Variants in THTPA observed in about 807,000 individuals in gnomAD.
THTPA encodes thiamine-triphosphatase.
A neutral mutation model predicts 16.5 loss-of-function variants in THTPA; 16 were observed. The ratio of observed to expected loss-of-function variants is 0.97; its 90% CI spans 0.66 to 1.47. The LOEUF (loss-of-function observed/expected upper bound fraction) is 1.47, where lower values mean the gene tolerates loss of function less well. Among genes scored for constraint, THTPA ranks in the 40% most tolerant of loss-of-function variants. THTPA has a pLI of 0.00. For missense variants in THTPA, 281 were observed against 280.9 expected (o/e 1.00, Z 0.00); for synonymous variants, 110 against 115.5 (o/e 0.95, Z 0.30).
the THTPA span, chr14:23,526,230 G>A: frequency 6.5e-7 from 1 of 1,536,362 alleles, no homozygotes; most frequent in South Asian, 1.2e-5. Flanking sequence ...GTGGTGGTGG[G>A]TGGGGCACCG....
the THTPA span, chr14:23,523,064 C>T: frequency 3.7e-4 from 518 of 1,403,562 alleles, 7 homozygotes; most frequent in South Asian, 8.2e-3. The surrounding 1 kb of genome is among the most constrained non-coding windows in gnomAD (Gnocchi z 4.1). Flanking sequence ...CCCTTCCCTC[C>T]CTTCTTTCCC....
the THTPA span, chr14:23,522,539 AGCCCCTTCTTCAT>A: frequency 6.5e-7 from 1 of 1,527,628 alleles, no homozygotes; most frequent in South Asian, 1.2e-5. Context: ...CATGGGAAAT[AGCCCCTTCTTCAT>A]GCCATAGAGC....
the THTPA span, chr14:23,533,375 C>T: frequency 4.1e-6 from 6 of 1,455,872 alleles, no homozygotes; most frequent in Admixed American, 1.3e-4. This position sits in a 1 kb window ranked among gnomAD's most constrained non-coding sequence, Gnocchi z 4.8. Context: ...GGCCTCAGCC[C>T]CGGGCCAGCC....
the THTPA span, among the ~76,000 whole-genome samples, chr14:23,536,601 T>C: frequency 2.6e-5 from 4 of 152,242 alleles, no homozygotes; most frequent in African/African-American, 9.6e-5. Flanking sequence ...CCTGGCACTA[T>C]GTTAAATGCT....
chr14:23,521,148 T>C, the THTPA span: 1 of 152,322 alleles, frequency 6.6e-6, no homozygotes, highest in Non-Finnish European at 1.5e-5. Context: ...TGAGAATAAG[T>C]TACTGCAGTT....
At chr14:23,519,484 C>T in the THTPA span, among the ~76,000 whole-genome samples, 33 of 152,068 alleles carry the variant, frequency 2.2e-4, no homozygotes, top group South Asian at 4.0e-3. Flanking sequence ...ACAAGAGAGG[C>T]GGGGAAAGAA....
the THTPA span, among the ~76,000 whole-genome samples, chr14:23,520,264 C>T: frequency 6.6e-6 from 1 of 152,072 alleles, no homozygotes; most frequent in Non-Finnish European, 1.5e-5. This position sits in a 1 kb window ranked among gnomAD's most constrained non-coding sequence, Gnocchi z 8.7. Context: ...GGGATGCCTC[C>T]AGCAGCTGCT....
chr14:23,542,623 C>T, the THTPA span, among the ~76,000 whole-genome samples: 1 of 152,280 alleles, frequency 6.6e-6, no homozygotes, highest in East Asian at 1.9e-4. Context: ...CAGCTCGGAA[C>T]CCTTCTTCTG....
chr14:23,525,589 C>T, the THTPA span: 2 of 1,535,712 alleles, frequency 1.3e-6, no homozygotes, highest in Non-Finnish European at 8.7e-7. The surrounding 1 kb of genome is among the most constrained non-coding windows in gnomAD (Gnocchi z 5.9). Flanking sequence ...ACTGGATCAC[C>T]AGCTCAAAGC....
chr14:23,534,967 C>T, the THTPA span: 2 of 1,536,040 alleles, frequency 1.3e-6, no homozygotes, highest in African/African-American at 1.4e-5. This position sits in a 1 kb window ranked among gnomAD's most constrained non-coding sequence, Gnocchi z 4.5. Flanking sequence ...GTAGGCCTCA[C>T]CTCCAGCTGT....
the THTPA span, among the ~76,000 whole-genome samples, chr14:23,550,122 C>T: frequency 2.9e-4 from 44 of 152,280 alleles, no homozygotes; most frequent in South Asian, 1.5e-3. Context: ...GCAGATGACA[C>T]GCATGAGACC....
At chr14:23,525,558 C>T in the THTPA span, 1 of 1,535,158 alleles carries the variant, frequency 6.5e-7, no homozygotes, top group Non-Finnish European at 8.7e-7. The surrounding 1 kb of genome is among the most constrained non-coding windows in gnomAD (Gnocchi z 5.9). Flanking sequence ...GGAGGGGGCA[C>T]AGCTTGCTTC....
the THTPA span, chr14:23,523,932 G>A: frequency 6.5e-7 from 1 of 1,536,230 alleles, no homozygotes; most frequent in Non-Finnish European, 8.7e-7. This position sits in a 1 kb window ranked among gnomAD's most constrained non-coding sequence, Gnocchi z 4.1. Flanking sequence ...TCCTCACTGG[G>A]TGGAGGGGGA....
the THTPA span, among the ~76,000 whole-genome samples, chr14:23,512,113 G>A: frequency 1.3e-5 from 2 of 152,058 alleles, no homozygotes; most frequent in South Asian, 4.2e-4. Flanking sequence ...TGCCCTGTAG[G>A]AATGTTAATT....
chr14:23,550,190 G>C, the THTPA span, among the ~76,000 whole-genome samples: 3 of 152,216 alleles, frequency 2.0e-5, no homozygotes, highest in Non-Finnish European at 4.4e-5. Flanking sequence ...AGTCAACAAT[G>C]CTAGGAAGTT....
At chr14:23,531,688 C>A in the THTPA span, 2 of 1,395,204 alleles carry the variant, frequency 1.4e-6, no homozygotes, top group Non-Finnish European at 9.4e-7. Context: ...CCCAGCTCTG[C>A]CCCTGCCTCC....
chr14:23,526,888 G>T, the THTPA span: 2 of 1,534,274 alleles, frequency 1.3e-6, no homozygotes, highest in East Asian at 2.4e-5. Context: ...TGGCCCATGA[G>T]TGGGGGGTTC....
At chr14:23,551,283 A>G (rs1360317735), upstream of THTPA, 1 of 152,440 alleles carries the variant, frequency 6.6e-6, no homozygotes, top group African/African-American at 2.4e-5. This position sits in a 1 kb window ranked among gnomAD's most constrained non-coding sequence, Gnocchi z 5.3. Context: ...GAAGGGAAGA[A>G]GAGAGAGAGG....
upstream of THTPA, chr14:23,551,658 TCCTCCTCCTCCTCCTTCTCCTCCTCGC>T (rs1205672952): frequency 3.2e-5 from 5 of 154,844 alleles, no homozygotes; most frequent in Admixed American, 6.5e-5. This position sits in a 1 kb window ranked among gnomAD's most constrained non-coding sequence, Gnocchi z 5.3. Context: ...CCCTGCCTCC[TCCTCCTCCTCCTCCTTCTCCTCCTCGC>T]CCTCCTCCTC....
Sources: allele counts gnomAD v4.1 joint callset (sites outside exome capture counted in the v4.1 genomes callset), GRCh38; gene constraint gnomAD v4.1.1; non-coding constraint Gnocchi (gnomAD v3.1); transcripts MANE v1.5; gene names NCBI Gene and HGNC (gene_info 2026-07-23, HGNC 2026-07-21).